The following CCDC150 variants were observed in gnomAD, a reference collection of about 807,000 sequenced individuals.
CCDC150 encodes coiled-coil domain containing 150.
Under a neutral mutation model 156.5 loss-of-function variants are expected in CCDC150, and 151 were observed. That is an observed-to-expected ratio of 0.97 (90% CI 0.85 to 1.10). The LOEUF (loss-of-function observed/expected upper bound fraction) is 1.10, where lower values mean the gene tolerates loss of function less well. Among genes scored for constraint, CCDC150 ranks in the 50% least tolerant of loss-of-function variants. CCDC150 has a pLI of 0.00. For missense variants in CCDC150, 1,312 were observed against 1,268.1 expected, an observed-to-expected ratio of 1.03 and a Z score of -0.53; for synonymous variants, 452 against 429.4, an observed-to-expected ratio of 1.05 and a Z score of -0.65.
In CCDC150 at chr2:196,729,288, A is replaced by G. The variant is rs1269448553; in HGVS notation, c.2652A>G (p.Ile884Met). Reference protein sequence around the residue: ...LRQKLAELEKILESNKEKIKN... With the variant: ...LRQKLAELEKMLESNKEKIKN... ...AGAAACTTGCAGAGCTAGAAAAAAT[A>G]CTAGAAAGTAACAAGGAGAAAATAA... The change falls in exon 23 of 28, where the codon ATA (isoleucine) becomes ATG (methionine). Residue 884 changes from isoleucine to methionine, a missense_variant. Coordinates refer to ENST00000389175, the MANE Select transcript of CCDC150 (RefSeq NM_001080539.2). The G allele has an allele frequency of 6.2e-7, 1 of 1,613,924 alleles. No homozygotes were observed. Among genetic ancestry groups the G allele is most frequent in the Non-Finnish European group, 8.5e-7 (1 of 1,179,858 alleles).
intron 13 of CCDC150, among the ~76,000 whole-genome samples, chr2:196,684,949 A>G (rs1695039594): frequency 6.6e-6 from 1 of 152,102 alleles, no homozygotes; most frequent in East Asian, 1.9e-4. Context: ...TCTAAAGTGT[A>G]TATTTTATAA....
Position 196,639,792 on chromosome 2 carries a change from GC to G in CCDC150, c.12+18del. 5 of 1,576,212 alleles carry G rather than the reference GC, an allele frequency of 3.2e-6. No homozygotes were observed. Among genetic ancestry groups the G allele is most frequent in the Non-Finnish European group, 2.6e-6 (3 of 1,157,208 alleles). ...ATGGACTGTAAGGTGAGGCTGCCGG[GC>G]CCCGGGCTGGTGAGGGGTGGTCGGA... is the stretch of plus-strand genomic sequence containing the variant. On this transcript the variant is annotated intron_variant, in intron 1 of 27. Coordinates refer to ENST00000389175, the MANE Select transcript of CCDC150 (RefSeq NM_001080539.2).
At chr2:196,700,390 T>A (rs1301935560) in intron 14 of CCDC150, among the ~76,000 whole-genome samples, 2 of 152,104 alleles carry the variant, frequency 1.3e-5, no homozygotes, top group Non-Finnish European at 2.9e-5. Flanking sequence ...TTGTGGAGAG[T>A]GAAAAGTCCA....
chr2:196,656,441 G>A (rs949570133), intron 2 of CCDC150, among the ~76,000 whole-genome samples, 192 bp from the exon 3 acceptor site: 4 of 152,092 alleles, frequency 2.6e-5, no homozygotes, highest in Non-Finnish European at 5.9e-5. Context: ...TGATCTGTGT[G>A]TCAATTAATC....
At chr2:196,659,356 AACTC>A (rs937089259) in intron 5 of CCDC150, among the ~76,000 whole-genome samples, 29 of 152,328 alleles carry the variant, frequency 1.9e-4, no homozygotes, top group South Asian at 1.5e-3. Context: ...TAGAATTACT[AACTC>A]AATATACTCT....
intron 2 of CCDC150, among the ~76,000 whole-genome samples, chr2:196,647,649 A>G (rs889908110): frequency 4.6e-5 from 7 of 152,100 alleles, no homozygotes; most frequent in South Asian, 4.1e-4. Context: ...ATAATTGTAT[A>G]TATTTATGGG....
chr2:196,649,138 A>T (rs1052180931), intron 2 of CCDC150, among the ~76,000 whole-genome samples: 2 of 152,152 alleles, frequency 1.3e-5, no homozygotes, highest in Admixed American at 6.5e-5. Flanking sequence ...GTGGTTCCAT[A>T]TGAATTTTCA....
chr2:196,704,587 C>T (rs372042206), intron 15 of CCDC150, among the ~76,000 whole-genome samples: 1 of 152,028 alleles, frequency 6.6e-6, no homozygotes, highest in African/African-American at 2.4e-5. Flanking sequence ...TTCTAGGGTA[C>T]ATGTGCACAA....
At chr2:196,666,011 T>C (rs1475627796) in intron 6 of CCDC150, among the ~76,000 whole-genome samples, 3 of 152,160 alleles carry the variant, frequency 2.0e-5, no homozygotes, top group Non-Finnish European at 4.4e-5. Flanking sequence ...ACAATCTCTG[T>C]TATAGACATT....
At chr2:196,728,526 C>T (rs908903993) in intron 22 of CCDC150, among the ~76,000 whole-genome samples, 20 of 152,210 alleles carry the variant, frequency 1.3e-4, no homozygotes, top group African/African-American at 4.1e-4. Flanking sequence ...AAGGCGTGAA[C>T]GCTGTAAAAT....
intron 27 of CCDC150, 70 bp from the exon 28 acceptor site, chr2:196,732,376 G>A: frequency 7.9e-7 from 1 of 1,258,120 alleles, no homozygotes; most frequent in Non-Finnish European, 1.2e-6. Flanking sequence ...CATGTGTAGA[G>A]GCAAAACAGG....
chr2:196,676,733 T>G lies in CCDC150; in HGVS notation c.1440+2T>G. 13 of 1,598,954 alleles carry G rather than the reference T, an allele frequency of 8.1e-6. No individual in the cohort carries two copies. The highest frequency in any genetic ancestry group is 1.1e-5 in the Non-Finnish European group (13 of 1,168,380). ...GAGAAAGAAAGATTTCAGAGGGAGG[T>G]AGGTAGAAGCAAATTTACATTATCT... On this transcript the variant is annotated splice_donor_variant, in intron 12 of 27. Transcript: ENST00000389175. LOFTEE classifies it high-confidence loss of function.
intron 4 of CCDC150, among the ~76,000 whole-genome samples, chr2:196,658,327 G>A (rs1348638149): frequency 6.6e-6 from 1 of 152,138 alleles, no homozygotes; most frequent in Admixed American, 6.5e-5. Flanking sequence ...ATGGCTCTGA[G>A]GTTTTACATC....
chr2:196,730,484 G>A (rs1314105336), intron 25 of CCDC150, among the ~76,000 whole-genome samples: 1 of 152,106 alleles, frequency 6.6e-6, no homozygotes, highest in Non-Finnish European at 1.5e-5. Flanking sequence ...AGGACTCTTA[G>A]GTATTCCTAA....
At chr2:196,718,967 C>G (rs1383041652) in intron 18 of CCDC150, among the ~76,000 whole-genome samples, 3 of 152,026 alleles carry the variant, frequency 2.0e-5, no homozygotes, top group African/African-American at 7.2e-5. Context: ...TTCTATGATG[C>G]TTTCTCCTTA....
chr2:196,672,297 C>A, intron 8 of CCDC150, 48 bp from the exon 9 acceptor site: 1 of 949,658 alleles, frequency 1.1e-6, no homozygotes, highest in Non-Finnish European at 1.5e-6. Flanking sequence ...TAGGGGTGCA[C>A]ATAGTATCTC....
chr2:196,676,902 G>A (rs957533667), intron 12 of CCDC150, among the ~76,000 whole-genome samples, 171 bp downstream of exon 12: 1 of 152,232 alleles, frequency 6.6e-6, no homozygotes, highest in African/African-American at 2.4e-5. Context: ...ATGTGAAGTA[G>A]TCTGTGCCAA....
At chr2:196,693,764 T>C (rs77917768) in intron 13 of CCDC150, among the ~76,000 whole-genome samples, 3,976 of 152,308 alleles carry the variant, frequency 0.026, 181 homozygotes, top group African/African-American at 0.09. Flanking sequence ...TGATATTAGC[T>C]GTAGGATTTT....
In CCDC150 at chr2:196,656,822, A is replaced by G. The variant is rs779126800; in HGVS notation, c.366A>G (p.Gln122=). The change falls in exon 3 of 28, where the codon CAA becomes CAG. Residue 122 remains glutamine, a synonymous_variant. Coordinates refer to ENST00000389175, the MANE Select transcript of CCDC150 (RefSeq NM_001080539.2). ...TGAAGATGAACATCTTTCGGCTGCA[A>G]ACTGAAAAGGATTTGAATCCTCAGA... ...QSLKMNIFRL[Q]TEKDLNPQKT... The G allele has an allele frequency of 6.2e-7, 1 of 1,613,928 alleles. No homozygotes were observed. The highest frequency in any genetic ancestry group is 8.5e-7 in the Non-Finnish European group (1 of 1,179,832).
Sources: allele counts gnomAD v4.1 joint callset (sites outside exome capture counted in the v4.1 genomes callset), GRCh38; gene constraint gnomAD v4.1.1; transcripts MANE v1.5; gene names NCBI Gene and HGNC (gene_info 2026-07-23, HGNC 2026-07-21).